Variants in PIK3C2A observed in about 807,000 individuals in gnomAD.
The protein encoded by PIK3C2A is phosphatidylinositol 4-phosphate 3-kinase C2 domain-containing subunit alpha.
A neutral mutation model predicts 204.5 loss-of-function variants in PIK3C2A; 97 were observed. That is an observed-to-expected ratio of 0.47 (90% CI 0.40 to 0.56). PIK3C2A has a LOEUF of 0.56. Ranked by LOEUF, PIK3C2A falls within the 20% of genes least tolerant of loss-of-function variation. The pLI is 0.00. For missense variants in PIK3C2A, 1,735 were observed against 1,969.2 expected (o/e 0.88, Z 2.25); for synonymous variants, 653 against 664.4 (o/e 0.98, Z 0.26).
chr11:17,168,308 G>A (rs1011473329), intron 2 of PIK3C2A, among the ~76,000 whole-genome samples: 7 of 152,130 alleles, frequency 4.6e-5, no homozygotes, highest in African/African-American at 9.7e-5. Context: ...TGGGCTGGGC[G>A]CAGTGGCTCA....
In PIK3C2A at chr11:17,148,775, A is replaced by G. The variant is rs201808829; in HGVS notation, c.1340T>C (p.Val447Ala). Residue 447 changes from valine (V) to alanine (A), a missense_variant, in exon 5 of 33, where the codon GTA becomes GCA. Around this residue, in one of 6 missense-constraint regions of PIK3C2A, gnomAD observed 536 missense variants for 546.7 expected, o/e 0.98. Coordinates refer to ENST00000691414, the MANE Select transcript of PIK3C2A (RefSeq NM_002645.4). ...VTFTCDVSSTVEIIIMQALCW... is the reference protein window; with the variant it reads ...VTFTCDVSSTAEIIIMQALCW... ...AAGGGCTTGCATTATAATGATTTCT[A>G]CAGTAGAACTCACTGTAAAAGAGTT... The G allele has an allele frequency of 1.2e-5, 19 of 1,611,154 alleles. No homozygotes were observed. The highest frequency in any genetic ancestry group is 2.2e-5 in the East Asian group (1 of 44,788).
chr11:17,197,247 T>C (rs946193294), intron 1 of PIK3C2A, among the ~76,000 whole-genome samples: 2 of 152,092 alleles, frequency 1.3e-5, no homozygotes, highest in African/African-American at 4.8e-5. Flanking sequence ...CTTGAACTTC[T>C]GGGCACAAGA....
intron 1 of PIK3C2A, among the ~76,000 whole-genome samples, chr11:17,188,009 G>C (rs1851813006): frequency 6.6e-6 from 1 of 152,110 alleles, no homozygotes; most frequent in African/African-American, 2.4e-5. Flanking sequence ...TTCATCATTT[G>C]CATGTTTTAA....
intron 20 of PIK3C2A, 41 bp downstream of exon 20, chr11:17,114,320 T>C (rs1439796410): frequency 1.9e-6 from 2 of 1,047,940 alleles, no homozygotes; most frequent in Non-Finnish European, 3.0e-6. Context: ...TTCCTATTAT[T>C]TTCAAATGTA....
At chr11:17,157,557 G>A (rs1266966745) in intron 2 of PIK3C2A, among the ~76,000 whole-genome samples, 1 of 151,652 alleles carries the variant, frequency 6.6e-6, no homozygotes, top group Non-Finnish European at 1.5e-5. Flanking sequence ...TGTGGAATGT[G>A]AAACTGTTCT....
chr11:17,190,682 A>T (rs1404815848), intron 1 of PIK3C2A, among the ~76,000 whole-genome samples: 5 of 152,164 alleles, frequency 3.3e-5, no homozygotes, highest in Admixed American at 3.3e-4. Flanking sequence ...GAACTACAGA[A>T]AAGAAATACT....
chr11:17,145,232 C>A (rs777704672), intron 8 of PIK3C2A, among the ~76,000 whole-genome samples: 1 of 152,006 alleles, frequency 6.6e-6, no homozygotes, highest in Non-Finnish European at 1.5e-5. Flanking sequence ...TTAGGAGGGG[C>A]CAGGGGCACA....
chr11:17,148,627 AAATTTCC>A, intron 5 of PIK3C2A, 33 bp downstream of exon 5: 2 of 1,590,346 alleles, frequency 1.3e-6, no homozygotes, highest in Non-Finnish European at 1.7e-6. Context: ...ATTAAAAATG[AAATTTCC>A]AAGGATGTTG....
chr11:17,128,662 A>G (rs1288925500), intron 13 of PIK3C2A, among the ~76,000 whole-genome samples: 1 of 152,220 alleles, frequency 6.6e-6, no homozygotes, highest in Non-Finnish European at 1.5e-5. Flanking sequence ...TCATCTCATG[A>G]AACATTATTC....
In PIK3C2A at chr11:17,168,706, G is replaced by A. The variant is rs1851055098; in HGVS notation, c.1036C>T (p.Leu346Phe). 1 of 1,595,280 alleles carries A rather than the reference G, an allele frequency of 6.3e-7. No homozygotes were observed. The highest frequency in any genetic ancestry group is 8.5e-7 in the Non-Finnish European group (1 of 1,171,482). ...GATATATGGCCCTGGGCTTTTGCAAGCTGAGTTGTTCGAATATTTAAAGAC... is the reference window on the plus strand; with the variant it reads ...GATATATGGCCCTGGGCTTTTGCAAACTGAGTTGTTCGAATATTTAAAGAC... ...SQSLNIRTTQ[L>F]AKAQGHISQK... is the part of the protein sequence containing the mutation. Residue 346 changes from leucine (L) to phenylalanine (F), a missense_variant, in exon 2 of 33, where the codon CTT (leucine) becomes TTT (phenylalanine). By Grantham distance (22) the Leu-to-Phe change is conservative. Transcript: ENST00000691414.
At chr11:17,187,031 T>C (rs1210337410) in intron 1 of PIK3C2A, among the ~76,000 whole-genome samples, 1 of 152,124 alleles carries the variant, frequency 6.6e-6, no homozygotes, top group Non-Finnish European at 1.5e-5. Flanking sequence ...GCCTGGGTGA[T>C]AGAGCAGATC....
Position 17,097,119 on chromosome 11 carries a change from C to A in PIK3C2A, c.4264G>T (p.Gly1422Cys). The A allele has an allele frequency of 6.2e-7, 1 of 1,609,726 alleles. No homozygotes were observed. Among genetic ancestry groups the A allele is most frequent in the African/African-American group, 1.3e-5 (1 of 74,960 alleles). Residue 1422 changes from glycine (G) to cysteine (C), a missense_variant, in exon 27 of 33, where the codon GGT becomes TGT. Coordinates refer to ENST00000691414, the MANE Select transcript of PIK3C2A (RefSeq NM_002645.4). ...SPKTYSFRQD[G>C]RIKEVSVFTY... is the part of the protein sequence containing the mutation. The stretch of plus-strand genomic sequence containing the variant: ...AAAACAGAGACTTCCTTGATTCGAC[C>A]ATCTTGTCTAAAGGAGTATGTTTTA...
At position 17,117,473 on chromosome 11, in the gene PIK3C2A, C is replaced by T. The variant is rs763504861; in HGVS notation, c.3216+18G>A. Reference sequence around the variant, plus strand: ...CTTTAACATTAACACATTTATATTACCTTTTATGGGTACATACCTGTCTGG... The same window carrying T: ...CTTTAACATTAACACATTTATATTATCTTTTATGGGTACATACCTGTCTGG... On this transcript the variant is annotated intron_variant, in intron 19 of 32. Transcript: ENST00000691414. 6.4e-6 allele frequency: 10 copies of T among 1,560,712 alleles called. No individual in the cohort carries two copies. The highest frequency in any genetic ancestry group is 7.0e-6 in the Non-Finnish European group (8 of 1,138,484).
At chr11:17,122,379 GC>G in intron 14 of PIK3C2A, 46 bp from the exon 15 acceptor site, 1 of 1,209,032 alleles carries the variant, frequency 8.3e-7, no homozygotes. Context: ...CTACGTATTT[GC>G]CACATTAACC....
intron 21 of PIK3C2A, among the ~76,000 whole-genome samples, chr11:17,110,977 G>A (rs1049615299): frequency 2.0e-5 from 3 of 151,794 alleles, no homozygotes; most frequent in Non-Finnish European, 4.4e-5. Flanking sequence ...GGGTCATCTC[G>A]GCTCACTGCA....
At chr11:17,095,245 A>T (rs1848417566) in intron 27 of PIK3C2A, among the ~76,000 whole-genome samples, 1 of 152,012 alleles carries the variant, frequency 6.6e-6, no homozygotes, top group Non-Finnish European at 1.5e-5. Flanking sequence ...CAGCCAGGGT[A>T]ATAGAGCGAG....
chr11:17,144,685 A>G (rs1395207716), intron 8 of PIK3C2A, among the ~76,000 whole-genome samples: 1 of 152,022 alleles, frequency 6.6e-6, no homozygotes, highest in East Asian at 1.9e-4. Flanking sequence ...ACTTGAGGTC[A>G]GGAATTCGAG....
chr11:17,166,902 G>A (rs1284645290), intron 2 of PIK3C2A, among the ~76,000 whole-genome samples: 3 of 152,148 alleles, frequency 2.0e-5, no homozygotes, highest in East Asian at 1.9e-4. Flanking sequence ...AAATTGACCC[G>A]AATATGAATC....
chr11:17,191,183 A>G (rs906554176), intron 1 of PIK3C2A, among the ~76,000 whole-genome samples: 5 of 152,180 alleles, frequency 3.3e-5, no homozygotes, highest in African/African-American at 1.2e-4. Context: ...CCTACCTATT[A>G]AAGAATTTAG....
Sources: gnomAD v4.1 joint callset for allele counts (sites outside exome capture counted in the v4.1 genomes callset) on GRCh38, gnomAD v4.1.1 for gene constraint, gnomAD v4.1.1 regional missense constraint, MANE v1.5 for transcripts, NCBI Gene and HGNC (gene_info 2026-07-23, HGNC 2026-07-21) for gene names.